HOMER1: variants seen among roughly 807,000 people sequenced by gnomAD.
HOMER1 encodes the protein homer scaffold protein 1, also known as homer protein homolog 1.
HOMER1 carries 3 observed loss-of-function variants against 48.9 expected under a neutral mutation model. The ratio of observed to expected loss-of-function variants is 0.06; its 90% CI spans 0.03 to 0.16. The LOEUF is 0.16. HOMER1 is among the 10% of genes least tolerant of loss of function. The pLI is 1.00. For synonymous variants in HOMER1, 134 were observed against 146.4 expected (o/e 0.92, Z 0.61); for missense variants, 247 against 411.4 (o/e 0.60, Z 3.46).
chr5:79,410,713 C>T (rs1561353229), intron 5 of HOMER1, among the ~76,000 whole-genome samples: 1 of 151,588 alleles, frequency 6.6e-6, no homozygotes, highest in African/African-American at 2.4e-5. Context: ...AAAAAAAGTT[C>T]CTTTCTTTAA....
At chr5:79,403,699 A>G (rs569975873) in intron 5 of HOMER1, among the ~76,000 whole-genome samples, 2 of 152,316 alleles carry the variant, frequency 1.3e-5, no homozygotes, top group African/African-American at 4.8e-5. Flanking sequence ...TATCAATGCT[A>G]CTGCCCTGGA....
chr5:79,508,906 G>A (rs1241328642), intron 1 of HOMER1, among the ~76,000 whole-genome samples: 3 of 152,240 alleles, frequency 2.0e-5, no homozygotes, highest in African/African-American at 7.2e-5. Context: ...ACTGAGGTAA[G>A]TACACGCACT....
chr5:79,471,677 G>T (rs1176646787), intron 1 of HOMER1, among the ~76,000 whole-genome samples: 13 of 152,112 alleles, frequency 8.5e-5, no homozygotes, highest in Non-Finnish European at 1.5e-4. Context: ...AGCATCAGTG[G>T]TTTTCAAGAG....
intron 4 of HOMER1, among the ~76,000 whole-genome samples, chr5:79,440,736 A>G (rs1750715147): frequency 6.6e-6 from 1 of 152,238 alleles, no homozygotes; most frequent in African/African-American, 2.4e-5. Flanking sequence ...TAAAATAATC[A>G]TCTCTGGTAT....
intron 8 of HOMER1, among the ~76,000 whole-genome samples, chr5:79,391,531 T>A (rs1452134283): frequency 6.6e-6 from 1 of 151,468 alleles, no homozygotes; most frequent in Admixed American, 6.6e-5. Flanking sequence ...GATCACGAAG[T>A]CAGGAGATCG....
At chr5:79,443,171 A>G (rs1750784960) in intron 4 of HOMER1, among the ~76,000 whole-genome samples, 1 of 152,184 alleles carries the variant, frequency 6.6e-6, no homozygotes, top group Admixed American at 6.5e-5. Context: ...ATTAAGTACT[A>G]TGTAAACTAC....
chr5:79,436,681 T>C (rs530902732), intron 5 of HOMER1, among the ~76,000 whole-genome samples: 2 of 152,332 alleles, frequency 1.3e-5, no homozygotes, highest in South Asian at 4.1e-4. Context: ...TAAATTGATA[T>C]CAAACTACCA....
chr5:79,509,446 T>C (rs1752872489), intron 1 of HOMER1, among the ~76,000 whole-genome samples: 1 of 144,366 alleles, frequency 6.9e-6, no homozygotes, highest in Non-Finnish European at 1.5e-5. Context: ...GTGATAGTTC[T>C]GAAATAGCTA....
intron 8 of HOMER1, among the ~76,000 whole-genome samples, chr5:79,391,956 G>C (rs1042160185): frequency 2.6e-5 from 4 of 152,046 alleles, no homozygotes; most frequent in African/African-American, 9.7e-5. Flanking sequence ...AAGATTATAA[G>C]GGAGCTGAAA....
chr5:79,404,736 C>T (rs868114302), intron 5 of HOMER1, among the ~76,000 whole-genome samples: 2 of 152,056 alleles, frequency 1.3e-5, no homozygotes, highest in South Asian at 4.2e-4. Context: ...TGGAGTTTCG[C>T]TCTTGTTGCC....
At chr5:79,405,932 T>C (rs968967405) in intron 5 of HOMER1, among the ~76,000 whole-genome samples, 14 of 152,220 alleles carry the variant, frequency 9.2e-5, no homozygotes, top group African/African-American at 3.4e-4. Flanking sequence ...ATTTTAAACT[T>C]ATCAGGCATG....
intron 5 of HOMER1, 92 bp downstream of exon 5, chr5:79,438,918 C>T (rs1350539469): frequency 1.6e-5 from 14 of 902,376 alleles, no homozygotes; most frequent in Admixed American, 7.8e-5. Context: ...CTGGAGTTTT[C>T]ACTCAAAGCT....
At chr5:79,499,885 C>A (rs958678760) in intron 1 of HOMER1, among the ~76,000 whole-genome samples, 1 of 152,162 alleles carries the variant, frequency 6.6e-6, no homozygotes, top group Non-Finnish European at 1.5e-5. Context: ...AGTAAAATCA[C>A]GGTTCTTGCA....
chr5:79,400,007 A>G (rs539194332), intron 6 of HOMER1, among the ~76,000 whole-genome samples: 12 of 152,110 alleles, frequency 7.9e-5, no homozygotes, highest in Non-Finnish European at 1.6e-4. Context: ...TAAAGAGAAA[A>G]TTTCTTAAGG....
intron 1 of HOMER1, among the ~76,000 whole-genome samples, chr5:79,473,725 G>T (rs1384548705): frequency 6.6e-6 from 1 of 152,122 alleles, no homozygotes; most frequent in African/African-American, 2.4e-5. Context: ...AAAAGAGAGA[G>T]GAGTGGTAAT....
intron 1 of HOMER1, among the ~76,000 whole-genome samples, chr5:79,486,468 A>G (rs1561383042): frequency 6.6e-6 from 1 of 152,202 alleles, no homozygotes; most frequent in Admixed American, 6.5e-5. Flanking sequence ...AACAGCTAAC[A>G]TTAGGTATTT....
chr5:79,473,342 GCTC>G (rs1032541527), intron 1 of HOMER1, among the ~76,000 whole-genome samples: 3 of 151,898 alleles, frequency 2.0e-5, no homozygotes, highest in Admixed American at 6.6e-5. Context: ...GTTTTTTTAA[GCTC>G]CTCATTTATC....
At chr5:79,394,440 A>C (rs1749329352) in intron 8 of HOMER1, among the ~76,000 whole-genome samples, 1 of 152,184 alleles carries the variant, frequency 6.6e-6, no homozygotes, top group African/African-American at 2.4e-5. Flanking sequence ...GGTTTTCTAA[A>C]AGCTTCCCTG....
chr5:79,419,786 C>A (rs1350521625), intron 5 of HOMER1, among the ~76,000 whole-genome samples: 1 of 152,108 alleles, frequency 6.6e-6, no homozygotes, highest in African/African-American at 2.4e-5. Flanking sequence ...TTCTAGATTC[C>A]ATTTACTAAT....
Sources: allele counts gnomAD v4.1 joint callset (sites outside exome capture counted in the v4.1 genomes callset), GRCh38; gene constraint gnomAD v4.1.1; transcripts MANE v1.5; gene names NCBI Gene and HGNC (gene_info 2026-07-23, HGNC 2026-07-21).